Variants in ZNRF3 observed in about 807,000 individuals in gnomAD.
ZNRF3 encodes the protein zinc and ring finger 3.
In ZNRF3, 23 loss-of-function variants were observed where a neutral mutation model predicts 72.5. The ratio of observed to expected loss-of-function variants is 0.32; its 90% CI spans 0.23 to 0.45. The LOEUF is 0.45. ZNRF3 is among the 20% of genes least tolerant of loss of function. The probability of loss-of-function intolerance (pLI) is 1.00; values close to 1 mark genes in which losing one functional copy is unlikely to be tolerated. For missense variants in ZNRF3, 1,169 were observed against 1,272.1 expected (o/e 0.92, Z 1.23); for synonymous variants, 610 against 545.3 (o/e 1.12, Z -1.65).
intron 1 of ZNRF3, among the ~76,000 whole-genome samples, chr22:28,887,235 AGTGTGT>A (rs1179478685): frequency 0.015 from 1,398 of 93,126 alleles, 18 homozygotes; most frequent in African/African-American, 0.045. Flanking sequence ...AGAGAGAGAG[AGTGTGT>A]GTGTGTGTGT....
chr22:28,972,268 C>T (rs2035589041), intron 1 of ZNRF3, among the ~76,000 whole-genome samples: 1 of 152,196 alleles, frequency 6.6e-6, no homozygotes, highest in Non-Finnish European at 1.5e-5. Flanking sequence ...AACTCTCACT[C>T]CCCTGTCTTC....
chr22:28,975,865 C>T (rs1434921402), intron 1 of ZNRF3, among the ~76,000 whole-genome samples: 1 of 152,156 alleles, frequency 6.6e-6, no homozygotes, highest in Non-Finnish European at 1.5e-5. Flanking sequence ...CAAATTTGAG[C>T]CAATTTGCAG....
chr22:29,002,417 GGT>G (rs1348387931), intron 2 of ZNRF3, among the ~76,000 whole-genome samples: 1 of 152,136 alleles, frequency 6.6e-6, no homozygotes, highest in Non-Finnish European at 1.5e-5. Context: ...TCAAAATAAA[GGT>G]ACAAGAGGTG....
chr22:28,901,805 T>A (rs1453831731), intron 1 of ZNRF3, among the ~76,000 whole-genome samples: 1 of 151,852 alleles, frequency 6.6e-6, no homozygotes, highest in African/African-American at 2.4e-5. Context: ...CACGCCTGGC[T>A]AATTTTTTGT....
intron 2 of ZNRF3, among the ~76,000 whole-genome samples, chr22:29,022,417 C>T (rs2123862037): frequency 6.6e-6 from 1 of 152,322 alleles, no homozygotes; most frequent in African/African-American, 2.4e-5. Context: ...TGAAGTAGGA[C>T]TGGAGACTTG....
chr22:29,020,390 AG>A (rs2036511856), intron 2 of ZNRF3, among the ~76,000 whole-genome samples: 1 of 150,772 alleles, frequency 6.6e-6, no homozygotes, highest in Non-Finnish European at 1.5e-5. Flanking sequence ...CCTCCTGAGT[AG>A]CTGGGACTAC....
intron 1 of ZNRF3, among the ~76,000 whole-genome samples, chr22:28,947,703 T>C (rs1042005991): frequency 3.9e-5 from 6 of 152,222 alleles, no homozygotes; most frequent in African/African-American, 1.4e-4. Flanking sequence ...CCATTTCAAT[T>C]GGGTTACTCA....
chr22:28,961,523 C>G (rs1003196975), intron 1 of ZNRF3, among the ~76,000 whole-genome samples: 1 of 152,102 alleles, frequency 6.6e-6, no homozygotes, highest in African/African-American at 2.4e-5. Context: ...ATGGATGGGG[C>G]AGAAGATGGG....
chr22:28,925,449 C>T (rs1301788354), intron 1 of ZNRF3, among the ~76,000 whole-genome samples: 1 of 152,136 alleles, frequency 6.6e-6, no homozygotes, highest in African/African-American at 2.4e-5. Context: ...CCCATGATGC[C>T]TCTACCCATG....
chr22:29,042,437 A>C (rs1173376972), intron 2 of ZNRF3, 58 bp from the exon 3 acceptor site: 11 of 1,533,942 alleles, frequency 7.2e-6, no homozygotes, highest in Non-Finnish European at 2.7e-6. Flanking sequence ...TGCCAAGGCC[A>C]ACTTTGAAAA....
At chr22:28,951,152 C>T (rs1049960852) in intron 1 of ZNRF3, among the ~76,000 whole-genome samples, 2 of 152,198 alleles carry the variant, frequency 1.3e-5, no homozygotes, top group East Asian at 1.9e-4. Flanking sequence ...AATGAAAATG[C>T]TAATATCTTC....
intron 2 of ZNRF3, among the ~76,000 whole-genome samples, chr22:28,995,502 G>C (rs1350440402): frequency 6.6e-6 from 1 of 152,168 alleles, no homozygotes; most frequent in Non-Finnish European, 1.5e-5. Context: ...ATGTACCACA[G>C]TGATGGAGTG....
intron 2 of ZNRF3, among the ~76,000 whole-genome samples, chr22:29,027,583 C>T (rs1045901001): frequency 2.6e-5 from 4 of 152,130 alleles, no homozygotes; most frequent in African/African-American, 9.7e-5. Context: ...CCAGGCATTC[C>T]GACATACCAC....
At chr22:29,034,778 G>T (rs1230115611) in intron 2 of ZNRF3, among the ~76,000 whole-genome samples, 7 of 152,056 alleles carry the variant, frequency 4.6e-5, no homozygotes, top group African/African-American at 1.4e-4. Context: ...GACTCTCCTG[G>T]ACTCTTCAGA....
In ZNRF3 at chr22:29,043,288, T is replaced by G; in HGVS notation, c.502-11T>G. ...CGCACCTTTTAACCAGAGCCCTCTC[T>G]TCTTCCTTAGCTGAACCAGGGCTCT... On this transcript the variant is annotated splice_polypyrimidine_tract_variant and intron_variant, in intron 3 of 8. Transcript: ENST00000544604. 6.2e-7 allele frequency: 1 copy of G among 1,613,368 alleles called. No individual in the cohort carries two copies. The highest frequency in any genetic ancestry group is 8.5e-7 in the Non-Finnish European group (1 of 1,179,722).
chr22:29,044,812 C>T lies in ZNRF3; in HGVS notation c.666C>T (p.Phe222=). ...CTGAATACTTTGACATGGGGATTTT[C>T]CTGGCTTTCTTCGTCGTGGTCTCCT... ...QPTEYFDMGI[F]LAFFVVVSLV... The change falls in exon 5 of 9, where the codon TTC becomes TTT. Residue 222 remains phenylalanine, a synonymous_variant. Coordinates refer to ENST00000544604, the MANE Select transcript of ZNRF3 (RefSeq NM_001206998.2). 1.2e-6 allele frequency: 2 copies of T among 1,614,142 alleles called. No homozygotes were observed. Among genetic ancestry groups the T allele is most frequent in the Admixed American group, 1.7e-5 (1 of 60,014 alleles).
At chr22:28,914,814 CAAAAA>C (rs567975458) in intron 1 of ZNRF3, among the ~76,000 whole-genome samples, 1 of 69,310 alleles carries the variant, frequency 1.4e-5, no homozygotes, top group Admixed American at 1.6e-4. Context: ...AACTCCGTCT[CAAAAA>C]AAAAAAAAAA....
At chr22:29,011,136 C>T (rs753827107) in intron 2 of ZNRF3, among the ~76,000 whole-genome samples, 12 of 152,136 alleles carry the variant, frequency 7.9e-5, no homozygotes, top group Middle Eastern at 3.2e-3. Context: ...CCTACTCAGC[C>T]TTGGTTTATA....
intron 1 of ZNRF3, among the ~76,000 whole-genome samples, chr22:28,925,899 T>C (rs1260926182): frequency 6.6e-6 from 1 of 152,178 alleles, no homozygotes; most frequent in Non-Finnish European, 1.5e-5. Context: ...ATTTGGTTTC[T>C]ATCACTTTTA....
Sources: allele counts gnomAD v4.1 joint callset (sites outside exome capture counted in the v4.1 genomes callset), GRCh38; gene constraint gnomAD v4.1.1; transcripts MANE v1.5; gene names NCBI Gene and HGNC (gene_info 2026-07-23, HGNC 2026-07-21).